The following CLDN10 variants were observed in gnomAD, a reference collection of about 807,000 sequenced individuals.
CLDN10 encodes the protein claudin-10.
A neutral mutation model predicts 22.9 loss-of-function variants in CLDN10; 15 were observed. The ratio of observed to expected loss-of-function variants is 0.65; its 90% CI spans 0.44 to 1.01. The LOEUF (loss-of-function observed/expected upper bound fraction) is 1.01. Ranked by LOEUF, CLDN10 falls within the 50% of genes least tolerant of loss-of-function variation. CLDN10 has a pLI of 0.00. For missense variants in CLDN10, 247 were observed against 287.8 expected (o/e 0.86, Z 1.03); for synonymous variants, 114 against 111.4 (o/e 1.02, Z -0.15).
chr13:95,474,246 G>A (rs894677890), intron 1 of CLDN10, among the ~76,000 whole-genome samples: 2 of 152,114 alleles, frequency 1.3e-5, no homozygotes, highest in South Asian at 2.1e-4. Flanking sequence ...AAGGAGGAGG[G>A]AACCCAGATC....
At chr13:95,516,876 C>T (rs2043172551) in intron 1 of CLDN10, among the ~76,000 whole-genome samples, 1 of 152,110 alleles carries the variant, frequency 6.6e-6, no homozygotes, top group African/African-American at 2.4e-5. Context: ...GTGTCTCCTA[C>T]ATCCAGGCGT....
intron 1 of CLDN10, among the ~76,000 whole-genome samples, chr13:95,507,589 C>T (rs1431187986): frequency 2.0e-5 from 3 of 151,720 alleles, no homozygotes; most frequent in South Asian, 2.1e-4. Flanking sequence ...GAGTTCAAGA[C>T]GCCCCTGGGC....
At chr13:95,463,322 A>T (rs2042553947) in intron 1 of CLDN10, among the ~76,000 whole-genome samples, 3 of 81,320 alleles carry the variant, frequency 3.7e-5, no homozygotes, top group Admixed American at 1.3e-4. Context: ...ATATATATAT[A>T]TATTTGCCTT....
intron 1 of CLDN10, among the ~76,000 whole-genome samples, chr13:95,517,455 C>G (rs1167820512): frequency 6.6e-6 from 1 of 152,154 alleles, no homozygotes; most frequent in Non-Finnish European, 1.5e-5. Flanking sequence ...TAAACAAAAG[C>G]TTAGTTCCAA....
At chr13:95,435,962 TAAA>T (rs55831992) in intron 1 of CLDN10, among the ~76,000 whole-genome samples, 1 of 141,660 alleles carries the variant, frequency 7.1e-6, no homozygotes, top group South Asian at 2.2e-4. Context: ...GGCCTCATCT[TAAA>T]AAAAAAAAAA....
At chr13:95,485,816 G>A (rs2042798242) in intron 1 of CLDN10, among the ~76,000 whole-genome samples, 1 of 152,198 alleles carries the variant, frequency 6.6e-6, no homozygotes, top group East Asian at 1.9e-4. Flanking sequence ...GGGCATTGCA[G>A]GATAAGTGCC....
At chr13:95,439,581 G>T (rs1467883204) in intron 1 of CLDN10, among the ~76,000 whole-genome samples, 4 of 152,074 alleles carry the variant, frequency 2.6e-5, no homozygotes, top group Non-Finnish European at 5.9e-5. Flanking sequence ...TGATCTGCCT[G>T]CCTCAGCCTC....
intron 1 of CLDN10, among the ~76,000 whole-genome samples, chr13:95,456,579 G>A (rs530133628): frequency 2.9e-4 from 44 of 151,964 alleles, no homozygotes; most frequent in African/African-American, 1.1e-3. Flanking sequence ...ATAATAAGAC[G>A]CCTGTCTCCA....
intron 1 of CLDN10, among the ~76,000 whole-genome samples, chr13:95,510,217 A>G (rs1049178724): frequency 1.3e-5 from 2 of 152,128 alleles, no homozygotes; most frequent in African/African-American, 4.8e-5. Context: ...CCAGTGAAGA[A>G]CACTTGACAA....
intron 1 of CLDN10, among the ~76,000 whole-genome samples, chr13:95,513,616 G>A (rs185699953): frequency 5.3e-5 from 8 of 151,404 alleles, no homozygotes; most frequent in African/African-American, 1.7e-4. Flanking sequence ...TTTAAACTTA[G>A]AGAAACTGAG....
intron 4 of CLDN10, 70 bp downstream of exon 4, chr13:95,577,408 A>G: frequency 1.0e-6 from 1 of 973,026 alleles, no homozygotes; most frequent in Non-Finnish European, 1.6e-6. Flanking sequence ...ATGTGGAACA[A>G]ATTACAGATA....
At chr13:95,514,391 AC>A (rs1412073518) in intron 1 of CLDN10, among the ~76,000 whole-genome samples, 1 of 146,460 alleles carries the variant, frequency 6.8e-6, no homozygotes, top group African/African-American at 2.5e-5. Flanking sequence ...TCCCCCACCT[AC>A]CCCACCCACC....
chr13:95,436,838 T>TATCTATGCC (rs1408429927), intron 1 of CLDN10, among the ~76,000 whole-genome samples: 1 of 152,250 alleles, frequency 6.6e-6, no homozygotes, highest in Non-Finnish European at 1.5e-5. Context: ...TCAGGAAAGC[T>TATCTATGCC]ATCTATGCCA....
intron 1 of CLDN10, among the ~76,000 whole-genome samples, chr13:95,495,149 C>T (rs1005005230): frequency 5.9e-5 from 9 of 151,736 alleles, no homozygotes; most frequent in Non-Finnish European, 1.3e-4. Context: ...GATGCTTCTG[C>T]CTCAACCTCC....
chr13:95,492,828 G>A (rs1202249815), intron 1 of CLDN10, among the ~76,000 whole-genome samples: 1 of 152,174 alleles, frequency 6.6e-6, no homozygotes, highest in Non-Finnish European at 1.5e-5. Context: ...GACCCAACGA[G>A]CTCCCAGGAC....
At chr13:95,548,288 A>G (rs752244025), upstream of CLDN10, among the ~76,000 whole-genome samples, 1 of 152,200 alleles carries the variant, frequency 6.6e-6, no homozygotes, top group African/African-American at 2.4e-5. Flanking sequence ...CCTCCCCTTC[A>G]GGGGCTCAAG....
upstream of CLDN10, among the ~76,000 whole-genome samples, chr13:95,548,013 A>C (rs926819629): frequency 1.3e-5 from 2 of 152,234 alleles, no homozygotes; most frequent in Admixed American, 1.3e-4. Flanking sequence ...TTTGGAGTTG[A>C]AAGTGGTCTC....
intron 1 of CLDN10, among the ~76,000 whole-genome samples, chr13:95,504,025 A>AT (rs2043012438): frequency 6.6e-6 from 1 of 152,250 alleles, no homozygotes; most frequent in African/African-American, 2.4e-5. Context: ...AATGAAAAGG[A>AT]GTAGTCATGG....
intron 1 of CLDN10, among the ~76,000 whole-genome samples, chr13:95,544,507 T>C (rs1161715851): frequency 6.6e-6 from 1 of 152,346 alleles, no homozygotes; most frequent in Non-Finnish European, 1.5e-5. Context: ...GTTCTTTAGA[T>C]GTTTTTATTC....
Sources: allele counts gnomAD v4.1 joint callset (sites outside exome capture counted in the v4.1 genomes callset), GRCh38; gene constraint gnomAD v4.1.1; transcripts MANE v1.5; gene names NCBI Gene and HGNC (gene_info 2026-07-23, HGNC 2026-07-21).